WDR70: variants seen among roughly 807,000 people sequenced by gnomAD.
The protein encoded by WDR70 is WD repeat domain 70.
A neutral mutation model predicts 88.6 loss-of-function variants in WDR70; 53 were observed. That is an observed-to-expected ratio of 0.60 (90% confidence interval 0.48 to 0.75). The LOEUF is 0.75. Among genes scored for constraint, WDR70 ranks in the 30% least tolerant of loss-of-function variants. WDR70 has a pLI of 0.00. For missense variants in WDR70, 610 were observed against 823.2 expected (o/e 0.74, Z 3.17); for synonymous variants, 280 against 270.0 (o/e 1.04, Z -0.36).
chr5:37,390,717 G>A (rs958492077), intron 3 of WDR70, among the ~76,000 whole-genome samples: 3 of 132,454 alleles, frequency 2.3e-5, no homozygotes, highest in African/African-American at 8.4e-5. Context: ...AAAAAGTGCT[G>A]TTTTTTTTTT....
At chr5:37,720,979 A>C in intron 13 of WDR70, 136 bp from the exon 14 acceptor site, 1 of 727,026 alleles carries the variant, frequency 1.4e-6, no homozygotes, top group Non-Finnish European at 2.3e-6. Context: ...TTATGGTTTA[A>C]AAGAAAATGT....
intron 10 of WDR70, among the ~76,000 whole-genome samples, chr5:37,651,123 C>T (rs1232409393): frequency 6.6e-6 from 1 of 152,050 alleles, no homozygotes; most frequent in Non-Finnish European, 1.5e-5. Flanking sequence ...GCCCTCCATC[C>T]CCCAACAAGC....
intron 8 of WDR70, among the ~76,000 whole-genome samples, chr5:37,491,198 C>T (rs904569467): frequency 6.6e-6 from 1 of 152,112 alleles, no homozygotes; most frequent in African/African-American, 2.4e-5. Flanking sequence ...TCTTAGGGCT[C>T]CCAGCTGGTC....
chr5:37,677,959 T>A (rs1482112898), intron 10 of WDR70, among the ~76,000 whole-genome samples: 1 of 152,242 alleles, frequency 6.6e-6, no homozygotes, highest in Non-Finnish European at 1.5e-5. Flanking sequence ...CTCTTCTTGT[T>A]GAATTGATCC....
At chr5:37,582,009 T>TG (rs1743231561) in intron 9 of WDR70, among the ~76,000 whole-genome samples, 2 of 151,960 alleles carry the variant, frequency 1.3e-5, no homozygotes, top group African/African-American at 4.8e-5. Flanking sequence ...GTTTGAAAAC[T>TG]TAAAAAAAAA....
intron 9 of WDR70, among the ~76,000 whole-genome samples, chr5:37,522,470 CA>C (rs1209419601): frequency 7.4e-3 from 306 of 41,364 alleles, no homozygotes; most frequent in African/African-American, 0.016. Flanking sequence ...GACTCTGTCT[CA>C]AAAAAAAAAA....
chr5:37,653,942 C>G (rs1430690497), intron 10 of WDR70, among the ~76,000 whole-genome samples: 1 of 152,212 alleles, frequency 6.6e-6, no homozygotes, highest in South Asian at 2.1e-4. Flanking sequence ...TCTCTATCTC[C>G]TTCAGTTTTG....
chr5:37,601,615 C>T (rs1053414493), intron 9 of WDR70, among the ~76,000 whole-genome samples: 9 of 152,010 alleles, frequency 5.9e-5, no homozygotes, highest in Admixed American at 2.6e-4. Context: ...TCTTCTTTAA[C>T]TCTTTGGTAG....
intron 8 of WDR70, among the ~76,000 whole-genome samples, chr5:37,511,817 C>T (rs1379133244): frequency 6.6e-6 from 1 of 152,162 alleles, no homozygotes; most frequent in East Asian, 1.9e-4. Context: ...CACATTTCCT[C>T]CTTGGCTTAG....
At chr5:37,632,503 T>C (rs1272012245) in intron 10 of WDR70, among the ~76,000 whole-genome samples, 1 of 152,188 alleles carries the variant, frequency 6.6e-6, no homozygotes, top group African/African-American at 2.4e-5. Flanking sequence ...CTGATATTGA[T>C]GATCCTGACC....
intron 9 of WDR70, among the ~76,000 whole-genome samples, chr5:37,527,151 C>A (rs185377210): frequency 6.6e-6 from 1 of 152,128 alleles, no homozygotes; most frequent in South Asian, 2.1e-4. Flanking sequence ...TTATATGGAA[C>A]CAAAAAAGAG....
At chr5:37,546,331 T>C (rs1741990383) in intron 9 of WDR70, among the ~76,000 whole-genome samples, 1 of 152,210 alleles carries the variant, frequency 6.6e-6, no homozygotes, top group South Asian at 2.1e-4. Context: ...GTGTTCTGTA[T>C]TGCCATATGT....
chr5:37,401,190 T>TTTTA lies in WDR70; in HGVS notation c.492+4620_492+4621insTTTA, dbSNP rs1491508863. On this transcript the variant is annotated intron_variant, in intron 5 of 17. Coordinates refer to ENST00000265107, the MANE Select transcript of WDR70 (RefSeq NM_018034.4). ...TTTTTTTTTTTTTTTTTTTTTTTTT[T>TTTTA]AGTAGAGATGAGGTCTTACTACATT... Among the ~76,000 whole-genome samples, 5 of 137,166 alleles carry TTTTA rather than the reference T, an allele frequency of 3.6e-5. 1 individual carries two copies. The highest frequency in any genetic ancestry group is 7.1e-5 in the Admixed American group (1 of 14,136). 90.0% of individuals were successfully genotyped at this position (137,166 alleles called of 152,430 possible).
Position 37,547,856 on chromosome 5 carries a change from T to C in WDR70, c.917+31266T>C, listed in dbSNP as rs142023935. On this transcript the variant is annotated intron_variant, in intron 9 of 17. Coordinates refer to ENST00000265107, the MANE Select transcript of WDR70 (RefSeq NM_018034.4). ...TACTCTATCTCCATGGGCTCAATTA[T>C]TTTGATTTTTGGATCTCACAAATAA... 2.2e-3 allele frequency among the ~76,000 whole-genome samples: 330 copies of C among 152,288 alleles called. 1 individual carries two copies. The highest frequency in any genetic ancestry group is 3.3e-3 in the Non-Finnish European group (226 of 68,020).
intron 9 of WDR70, among the ~76,000 whole-genome samples, chr5:37,551,877 T>C (rs1368473096): frequency 6.8e-6 from 1 of 147,372 alleles, no homozygotes; most frequent in Non-Finnish European, 1.5e-5. Flanking sequence ...GTTCAAGTGA[T>C]TCACCTGCCT....
At chr5:37,723,080 A>T in intron 15 of WDR70, 146 bp downstream of exon 15, 1 of 840,094 alleles carries the variant, frequency 1.2e-6, no homozygotes, top group Non-Finnish European at 1.9e-6. Flanking sequence ...ACTACGAGTC[A>T]TGTAACAGCT....
intron 17 of WDR70, among the ~76,000 whole-genome samples, chr5:37,749,842 C>CAAAAA (rs1748752965): frequency 2.2e-3 from 175 of 78,550 alleles, no homozygotes; most frequent in African/African-American, 4.8e-3. Context: ...AAAAAAAAAC[C>CAAAAA]AAAAACGCAG....
At chr5:37,381,930 G>T (rs1748437794) in intron 3 of WDR70, 1 of 339,198 alleles carries the variant, frequency 2.9e-6, no homozygotes, top group African/African-American at 2.1e-5. Context: ...GCAGGGGCCT[G>T]TAATCCCAGC....
chr5:37,425,007 G>C (rs1255726163), intron 5 of WDR70, among the ~76,000 whole-genome samples: 1 of 152,196 alleles, frequency 6.6e-6, no homozygotes, highest in African/African-American at 2.4e-5. Flanking sequence ...ACTTTGGGAG[G>C]CCAAGGTGGG....
Sources: gnomAD v4.1 joint callset for allele counts (sites outside exome capture counted in the v4.1 genomes callset) on GRCh38, gnomAD v4.1.1 for gene constraint, MANE v1.5 for transcripts, NCBI Gene and HGNC (gene_info 2026-07-23, HGNC 2026-07-21) for gene names.